Variants in CAST observed in about 807,000 individuals in gnomAD.
The protein encoded by CAST is MIR583 host.
Under a neutral mutation model 119.6 loss-of-function variants are expected in CAST, and 76 were observed. The observed-to-expected ratio is 0.64, with a 90% confidence interval of 0.53 to 0.77. The LOEUF is 0.77. Ranked by LOEUF, CAST falls within the 30% of genes least tolerant of loss-of-function variation. The probability of loss-of-function intolerance (pLI) is 0.00; values close to 1 mark genes in which losing one functional copy is unlikely to be tolerated. For missense variants in CAST, 953 were observed against 946.5 expected, an observed-to-expected ratio of 1.01 and a Z score of -0.09; for synonymous variants, 319 against 331.6, an observed-to-expected ratio of 0.96 and a Z score of 0.41.
the CAST span, among the ~76,000 whole-genome samples, chr5:96,343,237 A>T: frequency 6.6e-6 from 1 of 152,192 alleles, no homozygotes; most frequent in African/African-American, 2.4e-5. Flanking sequence ...AAATTTAAAG[A>T]CCTCAGCTGT....
the CAST span, among the ~76,000 whole-genome samples, chr5:96,413,173 A>G: frequency 3.9e-5 from 6 of 152,218 alleles, no homozygotes; most frequent in Non-Finnish European, 8.8e-5. Context: ...CATGCTTCCT[A>G]TTCTTCTAAA....
chr5:96,084,817 G>A, the CAST span, among the ~76,000 whole-genome samples: 3 of 152,154 alleles, frequency 2.0e-5, no homozygotes, highest in African/African-American at 7.2e-5. Flanking sequence ...GGAGGGCAGG[G>A]TAAACCTGAA....
At chr5:96,475,824 G>T in the CAST span, among the ~76,000 whole-genome samples, 2 of 152,216 alleles carry the variant, frequency 1.3e-5, no homozygotes, top group Non-Finnish European at 2.9e-5. Context: ...GTAGGTGGCA[G>T]CTCACCTTCT....
At chr5:96,196,550 GA>G in the CAST span, among the ~76,000 whole-genome samples, 1 of 152,178 alleles carries the variant, frequency 6.6e-6, no homozygotes, top group Non-Finnish European at 1.5e-5. Flanking sequence ...GGGGTAGTTT[GA>G]AAAAGGTAGT....
At chr5:96,387,364 A>C in the CAST span, among the ~76,000 whole-genome samples, 1 of 152,182 alleles carries the variant, frequency 6.6e-6, no homozygotes, top group Admixed American at 6.5e-5. Flanking sequence ...AAAGCTTATT[A>C]AGTGCTAGTA....
chr5:96,566,055 G>C (rs556847574), intron 1 of CAST, among the ~76,000 whole-genome samples: 1 of 152,280 alleles, frequency 6.6e-6, no homozygotes, highest in South Asian at 2.1e-4. Context: ...AACCAGCTGA[G>C]TCACTAATGA....
chr5:96,160,001 A>G, the CAST span, among the ~76,000 whole-genome samples: 1,164 of 151,688 alleles, frequency 7.7e-3, 18 homozygotes, highest in African/African-American at 0.027. Context: ...TTAGCCGGGC[A>G]TGGTGGCATG....
chr5:96,270,689 C>A, the CAST span, among the ~76,000 whole-genome samples: 1 of 151,930 alleles, frequency 6.6e-6, no homozygotes, highest in South Asian at 2.1e-4. Context: ...GGGAGCAACA[C>A]ACACTGGGGC....
At chr5:96,505,784 G>A in the CAST span, among the ~76,000 whole-genome samples, 147,015 of 152,290 alleles carry the variant, frequency 0.97, 71,207 homozygotes, top group East Asian at 1. Context: ...TCCTACTGCC[G>A]CCAGCTGGGT....
At chr5:96,020,806 C>T in the CAST span, among the ~76,000 whole-genome samples, 1 of 150,812 alleles carries the variant, frequency 6.6e-6, no homozygotes, top group Non-Finnish European at 1.5e-5. Flanking sequence ...CTTGAATCAT[C>T]CCCAAACCAT....
chr5:96,059,473 A>T, the CAST span, among the ~76,000 whole-genome samples: 5 of 152,118 alleles, frequency 3.3e-5, no homozygotes, highest in African/African-American at 1.2e-4. Flanking sequence ...CCCCTAAAGG[A>T]TCTAAGGCTA....
chr5:96,481,433 C>T, the CAST span, among the ~76,000 whole-genome samples: 2 of 151,952 alleles, frequency 1.3e-5, no homozygotes, highest in Admixed American at 6.6e-5. Flanking sequence ...TATTGCCTAC[C>T]CACTCTAAGA....
the CAST span, among the ~76,000 whole-genome samples, chr5:96,395,779 TTAAAG>T: frequency 3.6e-4 from 55 of 152,184 alleles, no homozygotes; most frequent in African/African-American, 1.3e-3. Context: ...ACTCCAGAAC[TTAAAG>T]TATAATAAAA....
intron 1 of CAST, among the ~76,000 whole-genome samples, chr5:96,594,681 T>G (rs1001917035): frequency 1.3e-5 from 2 of 152,216 alleles, no homozygotes; most frequent in Admixed American, 1.3e-4. Flanking sequence ...TTATCTGCTT[T>G]TTCAACAAGA....
At chr5:95,999,772 G>A in the CAST span, among the ~76,000 whole-genome samples, 1 of 152,050 alleles carries the variant, frequency 6.6e-6, no homozygotes, top group Non-Finnish European at 1.5e-5. Context: ...AAATACTTAG[G>A]GCGGAATTGC....
intron 2 of CAST, among the ~76,000 whole-genome samples, chr5:96,681,989 C>T (rs1213836772): frequency 1.3e-5 from 2 of 152,042 alleles, no homozygotes; most frequent in African/African-American, 2.4e-5. Flanking sequence ...ATCCACATAA[C>T]TTGTATTACA....
At chr5:96,732,886 G>A (rs1561541445) in intron 9 of CAST, among the ~76,000 whole-genome samples, 1 of 152,224 alleles carries the variant, frequency 6.6e-6, no homozygotes, top group Admixed American at 6.5e-5. Flanking sequence ...GTAAGCAAGT[G>A]AAGGAACAAT....
At chr5:96,310,005 A>G in the CAST span, among the ~76,000 whole-genome samples, 1 of 152,208 alleles carries the variant, frequency 6.6e-6, no homozygotes, top group Non-Finnish European at 1.5e-5. Context: ...GTCTTGTACT[A>G]GATTCTAGAG....
chr5:96,539,936 T>C (rs1276580824), intron 1 of CAST, among the ~76,000 whole-genome samples: 2 of 152,186 alleles, frequency 1.3e-5, no homozygotes, highest in Non-Finnish European at 2.9e-5. Context: ...CATAAATTAA[T>C]TATTTACATG....
Sources: allele counts gnomAD v4.1 joint callset (sites outside exome capture counted in the v4.1 genomes callset), GRCh38; gene constraint gnomAD v4.1.1; transcripts MANE v1.5; gene names NCBI Gene and HGNC (gene_info 2026-07-23, HGNC 2026-07-21).